Variants in PTPRM observed in about 807,000 individuals in gnomAD.
PTPRM encodes the protein receptor-type tyrosine-protein phosphatase mu.
In PTPRM, 47 loss-of-function variants were observed where a neutral mutation model predicts 186.7. That is an observed-to-expected ratio of 0.25 (90% CI 0.20 to 0.32). The LOEUF (loss-of-function observed/expected upper bound fraction) is 0.32. Among genes scored for constraint, PTPRM ranks in the 10% least tolerant of loss-of-function variants. The probability of loss-of-function intolerance (pLI) is 1.00; values close to 1 mark genes in which losing one functional copy is unlikely to be tolerated. For synonymous variants in PTPRM, 668 were observed against 674.9 expected (o/e 0.99, Z 0.16); for missense variants, 1,494 against 1,865.0 (o/e 0.80, Z 3.66).
chr18:8,138,929 A>G (rs539497866), intron 13 of PTPRM, among the ~76,000 whole-genome samples: 54 of 151,914 alleles, frequency 3.6e-4, no homozygotes, highest in Non-Finnish European at 7.1e-4. Flanking sequence ...TCGCCTGGAC[A>G]TCCGCCTCCA....
intron 7 of PTPRM, among the ~76,000 whole-genome samples, chr18:8,018,364 A>G (rs1378682201): frequency 3.3e-5 from 5 of 152,230 alleles, no homozygotes; most frequent in Admixed American, 3.3e-4. Flanking sequence ...GTGCATTTGT[A>G]AAACGAAGAA....
intron 13 of PTPRM, among the ~76,000 whole-genome samples, chr18:8,118,374 A>G (rs1418853852): frequency 1.3e-5 from 2 of 152,116 alleles, no homozygotes; most frequent in Non-Finnish European, 2.9e-5. Flanking sequence ...ATATATGTTA[A>G]TTTGATCCTC....
intron 7 of PTPRM, among the ~76,000 whole-genome samples, chr18:7,998,901 C>T (rs140802643): frequency 1.5e-3 from 228 of 152,274 alleles, no homozygotes; most frequent in Non-Finnish European, 2.2e-3. Flanking sequence ...GTGATCTACC[C>T]GCCTTGGCCT....
intron 30 of PTPRM, among the ~76,000 whole-genome samples, chr18:8,385,264 G>A (rs1181338664): frequency 6.6e-6 from 1 of 152,194 alleles, no homozygotes; most frequent in Admixed American, 6.5e-5. Context: ...AGGCCTAGGA[G>A]AATATTCAGG....
chr18:7,790,846 C>G (rs545665859), intron 2 of PTPRM, among the ~76,000 whole-genome samples: 57 of 152,088 alleles, frequency 3.7e-4, no homozygotes, highest in African/African-American at 1.3e-3. Context: ...AGGAAGGTAA[C>G]CTTCCGAGGT....
chr18:7,861,747 G>A (rs1158595723), intron 2 of PTPRM, among the ~76,000 whole-genome samples: 4 of 151,416 alleles, frequency 2.6e-5, no homozygotes, highest in Non-Finnish European at 5.9e-5. Flanking sequence ...AAGACTGTTT[G>A]ATATTGGGGT....
chr18:7,732,686 T>C (rs1160736164), intron 1 of PTPRM, among the ~76,000 whole-genome samples: 1 of 151,754 alleles, frequency 6.6e-6, no homozygotes, highest in Non-Finnish European at 1.5e-5. Flanking sequence ...TTTGAAATTG[T>C]TGTAGGAACG....
intron 11 of PTPRM, among the ~76,000 whole-genome samples, chr18:8,110,877 A>G (rs1445787370): frequency 6.6e-6 from 1 of 152,210 alleles, no homozygotes; most frequent in Non-Finnish European, 1.5e-5. Context: ...GTGGAAAGTC[A>G]GTGGAGACTA....
At chr18:7,746,513 C>T (rs551259163) in intron 1 of PTPRM, among the ~76,000 whole-genome samples, 9 of 151,910 alleles carry the variant, frequency 5.9e-5, no homozygotes, top group African/African-American at 1.2e-4. Context: ...TCGCCCAAGC[C>T]GGAGTGTAGT....
chr18:8,007,748 C>G (rs1056213228), intron 7 of PTPRM, among the ~76,000 whole-genome samples: 14 of 152,160 alleles, frequency 9.2e-5, no homozygotes, highest in African/African-American at 3.1e-4. Context: ...GTTAGAGAGT[C>G]AGTACTAAAT....
At chr18:7,587,494 A>G (rs1457528949) in intron 1 of PTPRM, among the ~76,000 whole-genome samples, 2 of 152,050 alleles carry the variant, frequency 1.3e-5, no homozygotes, top group Non-Finnish European at 2.9e-5. Context: ...TGTTGAAAGC[A>G]AAAATTGGGA....
chr18:8,163,436 C>T (rs2093267301), intron 14 of PTPRM, among the ~76,000 whole-genome samples: 1 of 152,186 alleles, frequency 6.6e-6, no homozygotes, highest in Non-Finnish European at 1.5e-5. Context: ...CAGTCTCTTT[C>T]ACCGTATAAT....
rs2091894234 is a variant in PTPRM, at chr18:8,114,807, G to C, written c.2147G>C (p.Cys716Ser). The C allele has an allele frequency of 6.2e-7, 1 of 1,610,814 alleles. No homozygotes were observed. The highest frequency in any genetic ancestry group is 8.5e-7 in the Non-Finnish European group (1 of 1,178,406). The change falls in exon 13 of 33, where the codon TGT becomes TCT. Residue 716 changes from cysteine (C) to serine (S), a missense_variant. Cys to Ser is a moderately radical substitution (Grantham distance 112). This residue lies in a region of PTPRM where 1,107 missense variants were observed against 1,350.2 expected (regional missense o/e 0.82). Transcript: ENST00000580170. ...TTGACACAGGAAACCAAAATAGACT[G>C]TGTCCAAGTGGCCACAAAAGGTAGG... ...SRANGETKID[C>S]VQVATKGAAT...
At chr18:7,643,173 G>C (rs886899372) in intron 1 of PTPRM, among the ~76,000 whole-genome samples, 1 of 151,966 alleles carries the variant, frequency 6.6e-6, no homozygotes, top group Non-Finnish European at 1.5e-5. Flanking sequence ...CCTCCCATGG[G>C]TATTGGCTGG....
intron 14 of PTPRM, among the ~76,000 whole-genome samples, chr18:8,170,538 C>A (rs1318592527): frequency 6.7e-6 from 1 of 149,368 alleles, no homozygotes; most frequent in African/African-American, 2.5e-5. Context: ...TATAGGTAGT[C>A]TTGGGCCTAT....
chr18:7,701,740 G>C (rs1469907871), intron 1 of PTPRM, among the ~76,000 whole-genome samples: 3 of 152,024 alleles, frequency 2.0e-5, no homozygotes, highest in Non-Finnish European at 4.4e-5. Context: ...TTAAGTTCTA[G>C]GGTACATGTG....
intron 23 of PTPRM, among the ~76,000 whole-genome samples, chr18:8,354,103 C>G (rs1462886478): frequency 6.6e-6 from 1 of 151,908 alleles, no homozygotes; most frequent in Non-Finnish European, 1.5e-5. Context: ...ATCCCAGCTA[C>G]TTGGGAGGCT....
chr18:7,805,003 G>A lies in PTPRM; in HGVS notation c.196+30732G>A, dbSNP rs372655616. On this transcript the variant is annotated intron_variant, in intron 2 of 32. Coordinates refer to ENST00000580170, the MANE Select transcript of PTPRM (RefSeq NM_001105244.2). ...TCTTTTAAGGGTACAATTTCAGATT[G>A]AGCCAATGGAAAATATATTCGAGTG... Among the ~76,000 whole-genome samples, 47 of 152,294 alleles carry A rather than the reference G, an allele frequency of 3.1e-4. No homozygotes were observed. In the South Asian group the frequency reaches 4.6e-3, roughly 15 times the overall value.
chr18:7,732,918 A>G (rs2040692053), intron 1 of PTPRM, among the ~76,000 whole-genome samples: 2 of 152,130 alleles, frequency 1.3e-5, no homozygotes, highest in Non-Finnish European at 2.9e-5. Context: ...AGCCAGCTTC[A>G]CATGTTTAGG....
Sources: gnomAD v4.1 joint callset for allele counts (sites outside exome capture counted in the v4.1 genomes callset) on GRCh38, gnomAD v4.1.1 for gene constraint, gnomAD v4.1.1 regional missense constraint, MANE v1.5 for transcripts, NCBI Gene and HGNC (gene_info 2026-07-23, HGNC 2026-07-21) for gene names.